Variants in RBFOX1 observed in about 807,000 individuals in gnomAD.
RBFOX1 encodes RNA binding fox-1 homolog 1.
A neutral mutation model predicts 57.7 loss-of-function variants in RBFOX1; 8 were observed. That is an observed-to-expected ratio of 0.14 (90% CI 0.08 to 0.25). RBFOX1 has a LOEUF of 0.25. RBFOX1 is among the 10% of genes least tolerant of loss of function. The probability of loss-of-function intolerance (pLI) is 1.00; values close to 1 mark genes in which losing one functional copy is unlikely to be tolerated. For synonymous variants in RBFOX1, 326 were observed against 222.4 expected (o/e 1.47, Z -4.15); for missense variants, 611 against 548.5 (o/e 1.11, Z -1.14).
At chr16:5,640,466 A>AT (rs2048824803) in intron 3 of RBFOX1, among the ~76,000 whole-genome samples, 1 of 152,004 alleles carries the variant, frequency 6.6e-6, no homozygotes, top group Admixed American at 6.5e-5. Context: ...AGGCACACAC[A>AT]CATGTACACC....
chr16:7,191,053 C>A (rs1056143238), intron 4 of RBFOX1, among the ~76,000 whole-genome samples: 1 of 152,104 alleles, frequency 6.6e-6, no homozygotes, highest in African/African-American at 2.4e-5. Flanking sequence ...TATTCGGGGA[C>A]CCCTTGGATG....
intron 3 of RBFOX1, among the ~76,000 whole-genome samples, chr16:6,737,409 T>A (rs56273812): frequency 0.016 from 2,504 of 152,298 alleles, 56 homozygotes; most frequent in African/African-American, 0.053. Flanking sequence ...TTCATGTAAG[T>A]GTGCATCACA....
chr16:7,145,880 C>T (rs76102437), intron 4 of RBFOX1, among the ~76,000 whole-genome samples: 1 of 152,118 alleles, frequency 6.6e-6, no homozygotes, highest in Non-Finnish European at 1.5e-5. Flanking sequence ...CAGCCTAGTT[C>T]TCTGAGGTTC....
At chr16:6,645,713 G>C (rs981700184) in intron 2 of RBFOX1, among the ~76,000 whole-genome samples, 6 of 152,100 alleles carry the variant, frequency 3.9e-5, no homozygotes, top group Non-Finnish European at 5.9e-5. Flanking sequence ...ATCAGAACCA[G>C]GTTTCACAAA....
chr16:5,402,002 A>T (rs2151440512), intron 1 of RBFOX1, among the ~76,000 whole-genome samples: 1 of 152,300 alleles, frequency 6.6e-6, no homozygotes, highest in South Asian at 2.1e-4. Context: ...TAATTCAAAG[A>T]GAGTTTAGTA....
chr16:6,977,482 C>T (rs1202243033), intron 3 of RBFOX1, among the ~76,000 whole-genome samples: 1 of 152,046 alleles, frequency 6.6e-6, no homozygotes, highest in Non-Finnish European at 1.5e-5. Context: ...CCTGAGAATG[C>T]AGCCCAGCAA....
At chr16:5,599,606 G>A in exon 3 of RBFOX1, 1 of 212,930 alleles carries the variant, frequency 4.7e-6, no homozygotes, top group Non-Finnish European at 9.3e-6. Flanking sequence ...CCTTGGGATG[G>A]CACCTTCAAG....
chr16:5,688,052 C>G (rs1320184184), intron 3 of RBFOX1, among the ~76,000 whole-genome samples: 1 of 152,126 alleles, frequency 6.6e-6, no homozygotes, highest in Non-Finnish European at 1.5e-5. Context: ...TTGATCCAAC[C>G]AGGTCAAGCT....
At chr16:6,945,938 G>A (rs1011304527) in intron 3 of RBFOX1, among the ~76,000 whole-genome samples, 4 of 152,182 alleles carry the variant, frequency 2.6e-5, no homozygotes, top group African/African-American at 4.8e-5. Flanking sequence ...CCCCAGGGGC[G>A]TTTACCATTT....
chr16:6,858,018 G>T (rs1401032667), intron 3 of RBFOX1, among the ~76,000 whole-genome samples: 1 of 152,130 alleles, frequency 6.6e-6, no homozygotes, highest in African/African-American at 2.4e-5. Context: ...GAAAAGGCAA[G>T]GCTTTTCTCT....
chr16:6,952,348 C>G (rs938848513), intron 3 of RBFOX1, among the ~76,000 whole-genome samples: 2 of 152,138 alleles, frequency 1.3e-5, no homozygotes, highest in Admixed American at 1.3e-4. Context: ...TAACTTAGAC[C>G]TGTTAGAAAG....
At chr16:5,424,947 T>TCTTC (rs2067489425) in intron 1 of RBFOX1, among the ~76,000 whole-genome samples, 1 of 79,050 alleles carries the variant, frequency 1.3e-5, no homozygotes, top group Non-Finnish European at 2.5e-5. Flanking sequence ...CTCTCTTCTT[T>TCTTC]CTTCCTTTGT....
At chr16:6,155,959 G>A (rs1414905152) in intron 1 of RBFOX1, among the ~76,000 whole-genome samples, 1 of 152,004 alleles carries the variant, frequency 6.6e-6, no homozygotes, top group Non-Finnish European at 1.5e-5. Context: ...TAACCTGTAG[G>A]GTATCATTTA....
intron 4 of RBFOX1, among the ~76,000 whole-genome samples, chr16:7,389,233 C>A (rs2097945219): frequency 6.6e-6 from 1 of 152,080 alleles, no homozygotes; most frequent in South Asian, 2.1e-4. Flanking sequence ...CTTAGATGAT[C>A]CTGTACCTCA....
chr16:6,092,952 C>G (rs2096197642), intron 1 of RBFOX1: 1 of 152,214 alleles, frequency 6.6e-6, no homozygotes, highest in Non-Finnish European at 1.5e-5. Flanking sequence ...TAAAAAACTG[C>G]CTATCAGATG....
At chr16:7,578,084 G>T (rs1451531696) in intron 5 of RBFOX1, among the ~76,000 whole-genome samples, 1 of 152,150 alleles carries the variant, frequency 6.6e-6, no homozygotes, top group Non-Finnish European at 1.5e-5. Context: ...TTTCCTTCGT[G>T]TTTCTCAAAG....
intron 4 of RBFOX1, among the ~76,000 whole-genome samples, chr16:5,902,033 C>A (rs571372500): frequency 6.6e-6 from 1 of 152,244 alleles, no homozygotes; most frequent in Non-Finnish European, 1.5e-5. Flanking sequence ...TGTCATAGTA[C>A]TTATAACGTG....
At chr16:7,014,874 G>A (rs953912656) in intron 3 of RBFOX1, among the ~76,000 whole-genome samples, 2 of 151,952 alleles carry the variant, frequency 1.3e-5, no homozygotes, top group African/African-American at 4.8e-5. Flanking sequence ...ACAGGCATGT[G>A]CCACCACACC....
At chr16:5,960,879 C>G (rs2059734012) in intron 4 of RBFOX1, among the ~76,000 whole-genome samples, 1 of 152,292 alleles carries the variant, frequency 6.6e-6, no homozygotes, top group South Asian at 2.1e-4. Context: ...TGTTGATAGG[C>G]TGTTGACAGA....
Sources: gnomAD v4.1 joint callset for allele counts (sites outside exome capture counted in the v4.1 genomes callset) on GRCh38, gnomAD v4.1.1 for gene constraint, MANE v1.5 for transcripts, NCBI Gene and HGNC (gene_info 2026-07-23, HGNC 2026-07-21) for gene names.